ADD2: variants seen among roughly 807,000 people sequenced by gnomAD.
ADD2 encodes the protein adducin 2.
A neutral mutation model predicts 83.0 loss-of-function variants in ADD2; 23 were observed. That is an observed-to-expected ratio of 0.28 (90% CI 0.20 to 0.39). The LOEUF is 0.39. ADD2 is among the 10% of genes least tolerant of loss of function. The pLI, the probability that ADD2 is intolerant of heterozygous loss-of-function variation, is 1.00. For missense variants in ADD2, 758 were observed against 944.9 expected, an observed-to-expected ratio of 0.80 and a Z score of 2.59; for synonymous variants, 375 against 375.4, an observed-to-expected ratio of 1.00 and a Z score of 0.01.
chr2:70,685,227 A>T (rs1670656180), intron 9 of ADD2, among the ~76,000 whole-genome samples: 1 of 152,198 alleles, frequency 6.6e-6, no homozygotes, highest in Non-Finnish European at 1.5e-5. Context: ...AATCCAATTT[A>T]ACCTGCTGAC....
At chr2:70,664,033 C>T (rs1164449758) in intron 15 of ADD2, among the ~76,000 whole-genome samples, 2 of 152,142 alleles carry the variant, frequency 1.3e-5, no homozygotes, top group African/African-American at 4.8e-5. Flanking sequence ...TGGGGTCCAG[C>T]TCAGAGTTTT....
chr2:70,761,451 A>C (rs2104560950), intron 1 of ADD2, among the ~76,000 whole-genome samples: 1 of 151,860 alleles, frequency 6.6e-6, no homozygotes, highest in African/African-American at 2.4e-5. Flanking sequence ...TCTACTAAAA[A>C]TACAAAATTA....
chr2:70,739,417 C>T (rs1673760146), intron 1 of ADD2, among the ~76,000 whole-genome samples: 1 of 152,300 alleles, frequency 6.6e-6, no homozygotes, highest in South Asian at 2.1e-4. Context: ...AAAGAAAACA[C>T]TTATACAGTG....
chr2:70,668,998 C>G (rs1188023322), intron 15 of ADD2, among the ~76,000 whole-genome samples: 2 of 152,122 alleles, frequency 1.3e-5, no homozygotes, highest in African/African-American at 4.8e-5. Flanking sequence ...AAAGGCAGTG[C>G]CACACCATTG....
chr2:70,678,576 G>C, intron 11 of ADD2, 128 bp downstream of exon 11: 3 of 1,353,876 alleles, frequency 2.2e-6, no homozygotes, highest in Non-Finnish European at 2.0e-6. Context: ...AGGCCTAATA[G>C]GAAGCCCAAA....
chr2:70,688,926 G>C (rs987872452), intron 8 of ADD2, among the ~76,000 whole-genome samples: 1 of 151,662 alleles, frequency 6.6e-6, no homozygotes, highest in African/African-American at 2.4e-5. Flanking sequence ...GTGAAACCCC[G>C]TCTCTACTAA....
intron 10 of ADD2, 108 bp downstream of exon 10, chr2:70,683,483 A>G: frequency 8.4e-7 from 1 of 1,191,668 alleles, no homozygotes; most frequent in East Asian, 2.6e-5. Flanking sequence ...TCAACAACCT[A>G]GTTGTGATGC....
Position 70,663,318 on chromosome 2 carries a change from A to G in ADD2, c.*107T>C. On this transcript the variant is annotated 3_prime_UTR_variant, in exon 16 of 16. Coordinates refer to ENST00000264436, the MANE Select transcript of ADD2 (RefSeq NM_001617.4). Reference sequence around the variant, plus strand: ...TAAGTTCCCCTTCCGAATGTGGTCCAGGGTCCTACTCTATCCCTCCTTAGC... The same window carrying G: ...TAAGTTCCCCTTCCGAATGTGGTCCGGGGTCCTACTCTATCCCTCCTTAGC... 7.9e-7 allele frequency: 1 copy of G among 1,271,596 alleles called. No homozygotes were observed. The highest frequency in any genetic ancestry group is 1.5e-5 in the African/African-American group (1 of 66,746). The allele number at this position is 1,271,596 out of a possible 1,614,324, so 78.8% of individuals were successfully genotyped here.
At chr2:70,664,768 AGT>A (rs1675697763) in intron 15 of ADD2, among the ~76,000 whole-genome samples, 2 of 136,876 alleles carry the variant, frequency 1.5e-5, no homozygotes, top group South Asian at 2.2e-4. Context: ...AGGGTGTGCA[AGT>A]GTGAGTGGGC....
At position 70,658,487 on chromosome 2, in the gene ADD2, C is replaced by A. The variant is rs937297668; in HGVS notation, c.*4938G>T. 2.6e-5 allele frequency: 4 copies of A among 152,196 alleles called. No individual in the cohort carries two copies. The highest frequency in any genetic ancestry group is 4.4e-5 in the Non-Finnish European group (3 of 68,036). 9.4% of individuals were successfully genotyped at this position (152,196 alleles called of 1,614,324 possible). A position where few individuals can be genotyped will look rare whatever the true frequency, so the allele number is the denominator to read the frequency against. Reference sequence around the variant, plus strand: ...GTCACTACAGGCCTCTTACTTCTTGCATTAAACTATCCCTTTCAGAACAGA... The same window carrying A: ...GTCACTACAGGCCTCTTACTTCTTGAATTAAACTATCCCTTTCAGAACAGA... On this transcript the variant is annotated 3_prime_UTR_variant, in exon 16 of 16. Transcript: ENST00000264436.
chr2:70,678,509 C>A (rs782740912), intron 11 of ADD2, among the ~76,000 whole-genome samples, 195 bp downstream of exon 11: 1 of 152,210 alleles, frequency 6.6e-6, no homozygotes. Context: ...AAAACTCAGG[C>A]AGAGGTGCAA....
intron 1 of ADD2, among the ~76,000 whole-genome samples, chr2:70,715,898 G>A (rs1288042887): frequency 1.3e-5 from 2 of 152,066 alleles, no homozygotes; most frequent in Admixed American, 6.6e-5. Flanking sequence ...CGCAGCGCCA[G>A]GCCCTGAATC....
chr2:70,755,136 T>C (rs782156734), intron 1 of ADD2, among the ~76,000 whole-genome samples: 9 of 152,144 alleles, frequency 5.9e-5, no homozygotes, highest in Non-Finnish European at 1.0e-4. Flanking sequence ...CTCTACACCT[T>C]TCAGATGATT....
intron 1 of ADD2, chr2:70,767,401 G>A (rs1553386265): frequency 6.3e-6 from 1 of 159,428 alleles, no homozygotes; most frequent in East Asian, 1.9e-4. Flanking sequence ...CTGCGGCTGA[G>A]CGCCGCGCAG....
intron 1 of ADD2, among the ~76,000 whole-genome samples, chr2:70,714,680 G>A (rs1020041672): frequency 1.3e-5 from 2 of 152,170 alleles, no homozygotes; most frequent in African/African-American, 2.4e-5. Context: ...ACTTGATGCT[G>A]CCTTTCTCCA....
intron 1 of ADD2, among the ~76,000 whole-genome samples, chr2:70,726,209 A>AG (rs1672992936): frequency 1.3e-5 from 2 of 148,644 alleles, no homozygotes; most frequent in Non-Finnish European, 3.0e-5. Context: ...AAAAAAAAAA[A>AG]AAAGAATGTA....
chr2:70,685,844 T>C (rs1194498087), intron 9 of ADD2, among the ~76,000 whole-genome samples: 5 of 152,176 alleles, frequency 3.3e-5, no homozygotes, highest in African/African-American at 9.7e-5. Flanking sequence ...CCAGTTTCCA[T>C]GGTGATGGGT....
At chr2:70,734,305 A>T (rs1244974955) in intron 1 of ADD2, among the ~76,000 whole-genome samples, 1 of 152,070 alleles carries the variant, frequency 6.6e-6, no homozygotes, top group Non-Finnish European at 1.5e-5. Flanking sequence ...AGGATTGGCC[A>T]CTCAGTGCTG....
intron 2 of ADD2, among the ~76,000 whole-genome samples, chr2:70,709,275 C>T (rs7597655): frequency 0.34 from 51,100 of 148,826 alleles, 9,516 homozygotes; most frequent in African/African-American, 0.51. Context: ...TAATAGGGGA[C>T]GGAGATGAAG....
Sources: allele counts gnomAD v4.1 joint callset (sites outside exome capture counted in the v4.1 genomes callset), GRCh38; gene constraint gnomAD v4.1.1; transcripts MANE v1.5; gene names NCBI Gene and HGNC (gene_info 2026-07-23, HGNC 2026-07-21).